The following ABHD2 variants were observed in gnomAD, a reference collection of about 807,000 sequenced individuals.
ABHD2 encodes abhydrolase domain containing 2, acylglycerol lipase.
In ABHD2, 20 loss-of-function variants were observed where a neutral mutation model predicts 48.1. The ratio of observed to expected loss-of-function variants is 0.42; its 90% CI spans 0.29 to 0.60. The LOEUF is 0.60. Among genes scored for constraint, ABHD2 ranks in the 20% least tolerant of loss-of-function variants. The pLI, the probability that ABHD2 is intolerant of heterozygous loss-of-function variation, is 0.24. For synonymous variants in ABHD2, 209 were observed against 214.2 expected (o/e 0.98, Z 0.21); for missense variants, 405 against 550.9 (o/e 0.74, Z 2.65).
chr15:89,047,539 C>T, the ABHD2 span, among the ~76,000 whole-genome samples: 52,580 of 125,534 alleles, frequency 0.42, 12,832 homozygotes, highest in African/African-American at 0.67. Context: ...TCTAAGTCTC[C>T]TTGTAGGTCA....
the ABHD2 span, among the ~76,000 whole-genome samples, chr15:89,060,427 CAA>C: frequency 6.6e-5 from 10 of 151,986 alleles, 1 homozygote; most frequent in Non-Finnish European, 1.2e-4. Context: ...CCTCCCAAAA[CAA>C]AGAGTTTTTT....
In ABHD2 at chr15:89,108,595, A is replaced by T. The variant is rs542235481; in HGVS notation, c.-106-5130A>T. Among the ~76,000 whole-genome samples the T allele has an allele frequency of 1.2e-4, 18 of 152,268 alleles. No homozygotes were observed. In the East Asian group the frequency reaches 3.5e-3, roughly 29 times the overall value. On this transcript the variant is annotated intron_variant, in intron 1 of 10. Coordinates refer to ENST00000352732, the MANE Select transcript of ABHD2 (RefSeq NM_152924.5). Reference sequence around the variant, plus strand: ...AGGTAATGGGTTTCCTTTGTTTGGGATCTCTCTGCTCTGTTTGTTCGTGCT... The same window carrying T: ...AGGTAATGGGTTTCCTTTGTTTGGGTTCTCTCTGCTCTGTTTGTTCGTGCT...
the ABHD2 span, among the ~76,000 whole-genome samples, chr15:89,045,823 A>G: frequency 6.6e-6 from 1 of 152,196 alleles, no homozygotes; most frequent in Non-Finnish European, 1.5e-5. Context: ...TTCTAGATAT[A>G]CAATCATGTC....
chr15:89,058,200 C>G, the ABHD2 span, among the ~76,000 whole-genome samples: 2 of 152,154 alleles, frequency 1.3e-5, no homozygotes, highest in Non-Finnish European at 2.9e-5. Context: ...TCCCCTGGCT[C>G]TCCACTTCTG....
In ABHD2 at chr15:89,197,750, C is replaced by G. The variant is rs2051429395; in HGVS notation, c.*2327C>G. The G allele has an allele frequency of 6.6e-6, 1 of 152,194 alleles. No homozygotes were observed. Among genetic ancestry groups the G allele is most frequent in the African/African-American group, 2.4e-5 (1 of 41,436 alleles). 9.4% of individuals were successfully genotyped at this position (152,194 alleles called of 1,614,324 possible). A position where few individuals can be genotyped will look rare whatever the true frequency, so the allele number is the denominator to read the frequency against. On this transcript the variant is annotated 3_prime_UTR_variant, in exon 11 of 11. Coordinates refer to ENST00000352732, the MANE Select transcript of ABHD2 (RefSeq NM_152924.5). The surrounding 1 kb of genome is among the most constrained non-coding windows in gnomAD (Gnocchi z 4.4). ...CCTGGTGGCCCCTGTGGAGGACAGG[C>G]AGGGCTGGCAGCATAGCCTTTGTTG...
rs548076341 is a variant in ABHD2, at chr15:89,100,914, A to T, written c.-107+12351A>T. Among the ~76,000 whole-genome samples, 2 of 152,322 alleles carry T rather than the reference A, an allele frequency of 1.3e-5. No homozygotes were observed. The highest frequency in any genetic ancestry group is 4.1e-4 in the South Asian group (2 of 4,828). On this transcript the variant is annotated intron_variant, in intron 1 of 10. Transcript: ENST00000352732. The surrounding 1 kb of genome is among the most constrained non-coding windows in gnomAD (Gnocchi z 4.4). ...TATAATTTCACCAGCCTTTTAATCT[A>T]GGTTAAACTACAGTTAATGGTATTG... is the stretch of plus-strand genomic sequence containing the variant.
rs1596055145 is a variant in ABHD2, at chr15:89,092,465, T to C, written c.-107+3902T>C. Among the ~76,000 whole-genome samples the C allele has an allele frequency of 6.6e-6, 1 of 152,230 alleles. No individual in the cohort carries two copies. The highest frequency in any genetic ancestry group is 2.4e-5 in the African/African-American group (1 of 41,460). On this transcript the variant is annotated intron_variant, in intron 1 of 10. Transcript: ENST00000352732. The surrounding 1 kb of genome is among the most constrained non-coding windows in gnomAD (Gnocchi z 4.4). ...TATTTTGTTTTAAAATTGTTTTTAA[T>C]AGAAATTTTAAAATTTTTTAATTCA... is the stretch of plus-strand genomic sequence containing the variant.
rs551874774 is a variant in ABHD2, at chr15:89,195,485, T to C, written c.*62T>C. On this transcript the variant is annotated 3_prime_UTR_variant, in exon 11 of 11. Transcript: ENST00000352732. This position sits in a 1 kb window ranked among gnomAD's most constrained non-coding sequence, Gnocchi z 5.1. ...CTGGAAGCTGCGTCCCCTCACCCCC[T>C]GTTTCAGGTCTCCCATCTCCCTCAG... is the stretch of plus-strand genomic sequence containing the variant. The C allele has an allele frequency of 3.1e-5, 47 of 1,539,258 alleles. No individual in the cohort carries two copies. In the African/African-American group the frequency reaches 5.2e-4, roughly 17 times the overall value.
the ABHD2 span, among the ~76,000 whole-genome samples, chr15:89,050,417 G>A: frequency 6.6e-6 from 1 of 152,210 alleles, no homozygotes; most frequent in Non-Finnish European, 1.5e-5. Context: ...CAACCATGGG[G>A]CTATGGGTCA....
the ABHD2 span, among the ~76,000 whole-genome samples, chr15:89,041,715 T>G: frequency 1.3e-5 from 2 of 152,200 alleles, no homozygotes; most frequent in Non-Finnish European, 2.9e-5. Context: ...ATTCCCCTGC[T>G]GGGGAAAGCA....
chr15:89,086,071 C>T (rs974011656), upstream of ABHD2, among the ~76,000 whole-genome samples: 1 of 152,022 alleles, frequency 6.6e-6, no homozygotes, highest in Non-Finnish European at 1.5e-5. Context: ...CTCACTCTGT[C>T]ATCCAAGCTG....
the ABHD2 span, among the ~76,000 whole-genome samples, chr15:89,050,682 C>G: frequency 9.3e-4 from 142 of 152,260 alleles, 2 homozygotes; most frequent in African/African-American, 3.1e-3. Context: ...AGAGGGCTGG[C>G]TTTCCCTCAG....
chr15:89,053,054 G>A, the ABHD2 span, among the ~76,000 whole-genome samples: 2 of 150,020 alleles, frequency 1.3e-5, no homozygotes, highest in East Asian at 2.0e-4. Flanking sequence ...TGCAACCTCT[G>A]CCTCCCGGGT....
At position 89,188,141 on chromosome 15, in the gene ABHD2, G is replaced by A; in HGVS notation, c.816-52G>A. Reference sequence around the variant, plus strand: ...GTGGCAAGGAAGCAGGCTATGCCATGGTTGTTCATCCTCCACATCTTAATC... The same window carrying A: ...GTGGCAAGGAAGCAGGCTATGCCATAGTTGTTCATCCTCCACATCTTAATC... On this transcript the variant is annotated intron_variant, in intron 7 of 10. Coordinates refer to ENST00000352732, the MANE Select transcript of ABHD2 (RefSeq NM_152924.5). This position sits in a 1 kb window ranked among gnomAD's most constrained non-coding sequence, Gnocchi z 4.1. The A allele has an allele frequency of 1.3e-6, 2 of 1,525,754 alleles. No individual in the cohort carries two copies. The highest frequency in any genetic ancestry group is 1.8e-6 in the Non-Finnish European group (2 of 1,100,568). The allele number at this position is 1,525,754 out of a possible 1,614,324, so 94.5% of individuals were successfully genotyped here.
chr15:89,133,275 T>A (rs902384683), intron 3 of ABHD2, among the ~76,000 whole-genome samples: 1 of 150,450 alleles, frequency 6.6e-6, no homozygotes, highest in Admixed American at 6.6e-5. Flanking sequence ...CATAAAAAAA[T>A]AGTTTGTTTA....
At chr15:89,140,697 C>G (rs573960898) in intron 3 of ABHD2, among the ~76,000 whole-genome samples, 2 of 152,176 alleles carry the variant, frequency 1.3e-5, no homozygotes, top group Non-Finnish European at 2.9e-5. Context: ...GGGAGCCTCA[C>G]GTCACCTCTG....
chr15:89,143,458 G>A (rs954528109), intron 3 of ABHD2, among the ~76,000 whole-genome samples: 21 of 152,180 alleles, frequency 1.4e-4, no homozygotes, highest in African/African-American at 2.4e-4. Context: ...ACCTGAGGTC[G>A]GGAGTTCAAG....
rs775246018 is a variant in ABHD2, at chr15:89,195,453, C to G, written c.*30C>G. 36 of 1,603,244 alleles carry G rather than the reference C, an allele frequency of 2.2e-5. No individual in the cohort carries two copies. The African/African-American group carries it at 3.2e-4, about 14-fold the overall frequency. ...TCCGGACTCTGGCACGCTCCAGCAGCCCTCCTCTGGAAGCTGCGTCCCCTC... is the reference window on the plus strand; with the variant it reads ...TCCGGACTCTGGCACGCTCCAGCAGGCCTCCTCTGGAAGCTGCGTCCCCTC... On this transcript the variant is annotated 3_prime_UTR_variant, in exon 11 of 11. Transcript: ENST00000352732. This position sits in a 1 kb window ranked among gnomAD's most constrained non-coding sequence, Gnocchi z 5.1.
chr15:89,103,492 C>CA (rs1596065292), intron 1 of ABHD2, among the ~76,000 whole-genome samples: 1 of 152,182 alleles, frequency 6.6e-6, no homozygotes, highest in African/African-American at 2.4e-5. Flanking sequence ...AATCTGGAAT[C>CA]AAACGCAGGT....
Sources: gnomAD v4.1 joint callset for allele counts (sites outside exome capture counted in the v4.1 genomes callset) on GRCh38, gnomAD v4.1.1 for gene constraint, Gnocchi (gnomAD v3.1) non-coding constraint, MANE v1.5 for transcripts, NCBI Gene and HGNC (gene_info 2026-07-23, HGNC 2026-07-21) for gene names.